The following OVCH2 variants were observed in gnomAD, a reference collection of about 807,000 sequenced individuals.
The protein encoded by OVCH2 is ovochymase 2.
Under a neutral mutation model 73.7 loss-of-function variants are expected in OVCH2, and 88 were observed. The ratio of observed to expected loss-of-function variants is 1.19; its 90% CI spans 1.01 to 1.43. The LOEUF is 1.43. Ranked by LOEUF, OVCH2 falls within the 40% of genes most tolerant of loss-of-function variation. The pLI is 0.00. For synonymous variants in OVCH2, 265 were observed against 234.5 expected (o/e 1.13, Z -1.19); for missense variants, 706 against 674.5 (o/e 1.05, Z -0.52).
At chr11:7,685,204 C>T (rs987542449), downstream of OVCH2, among the ~76,000 whole-genome samples, 2 of 152,040 alleles carry the variant, frequency 1.3e-5, no homozygotes, top group African/African-American at 2.4e-5. Flanking sequence ...GGGCTGGAGG[C>T]TGAGCAGGGA....
chr11:7,690,497 A>G (rs1035737475), intron 14 of OVCH2, among the ~76,000 whole-genome samples: 1 of 76,574 alleles, frequency 1.3e-5, no homozygotes, highest in African/African-American at 4.5e-5. Context: ...AAGATTACAC[A>G]TCTAGTAATG....
rs1246951142 is a variant in OVCH2 at position 7,690,019 on chromosome 11, T to TATA, written c.1640-9_1640-7dup. ...GATGTTTAAATCTGGGTATACTGGG[T>TATA]ATAAGTATGATACAATTACTCAGTT... On this transcript the variant is annotated splice_region_variant and splice_polypyrimidine_tract_variant and intron_variant, in intron 14 of 15. Transcript: ENST00000533663. The TATA allele has an allele frequency of 2.0e-6, 3 of 1,494,852 alleles. No homozygotes were observed. The East Asian group carries it at 7.4e-5, about 37-fold the overall frequency. The allele number at this position is 1,494,852 out of a possible 1,614,324, so 92.6% of individuals were successfully genotyped here.
At chr11:7,698,930 A>C (rs1440728983) in intron 7 of OVCH2, 157 bp from the exon 8 acceptor site, 1 of 679,994 alleles carries the variant, frequency 1.5e-6, no homozygotes, top group East Asian at 2.9e-5. Context: ...AAATGGATAA[A>C]GTAGGAAAGG....
chr11:7,706,321 A>G lies in OVCH2; in HGVS notation c.74T>C (p.Leu25Pro). ...TTGAAACTTACCTTTGGGGAGCGAA[A>G]GAGTTGCAGATTTACCTCGTTCAAA... ...VFFERGKSAT[L>P]SLPKAPSCGQ... The change falls in exon 1 of 16, where the codon CTT becomes CCT. Residue 25 changes from leucine to proline, a missense_variant. Coordinates refer to ENST00000533663, the MANE Select transcript of OVCH2 (RefSeq NM_198185.7). 8 of 1,589,026 alleles carry G rather than the reference A, an allele frequency of 5.0e-6. No individual in the cohort carries two copies. Among genetic ancestry groups the G allele is most frequent in the Non-Finnish European group, 6.9e-6 (8 of 1,166,372 alleles).
At chr11:7,700,274 C>T (rs1470378296) in intron 7 of OVCH2, 22 bp downstream of exon 7, 5 of 1,610,524 alleles carry the variant, frequency 3.1e-6, no homozygotes, top group Non-Finnish European at 4.2e-6. Context: ...AGCTTCTTAA[C>T]CTTGTGTGAT....
intron 12 of OVCH2, among the ~76,000 whole-genome samples, chr11:7,694,121 G>A (rs61545550): frequency 0.035 from 5,367 of 151,992 alleles, 304 homozygotes; most frequent in African/African-American, 0.12. Flanking sequence ...TTTATTTTCT[G>A]CTCTCTTTTC....
chr11:7,679,389 G>A, the OVCH2 span, among the ~76,000 whole-genome samples: 3 of 152,164 alleles, frequency 2.0e-5, no homozygotes, highest in South Asian at 6.2e-4. Flanking sequence ...GTTTAGGTCT[G>A]TATCCCCACC....
downstream of OVCH2, among the ~76,000 whole-genome samples, chr11:7,685,773 C>T (rs1406943396): frequency 6.6e-6 from 1 of 152,066 alleles, no homozygotes; most frequent in African/African-American, 2.4e-5. Context: ...CACATCTCTA[C>T]CTTCTCTTGT....
At chr11:7,702,758 T>C (rs1440310993) in intron 3 of OVCH2, among the ~76,000 whole-genome samples, 1 of 152,178 alleles carries the variant, frequency 6.6e-6, no homozygotes, top group African/African-American at 2.4e-5. Flanking sequence ...ATGCTTAGTA[T>C]ATATTATAAG....
rs1856191573 is a variant in OVCH2, at chr11:7,690,007, G to A, written c.1646C>T (p.Pro549Leu). 2 of 1,507,384 alleles carry A rather than the reference G, an allele frequency of 1.3e-6. No homozygotes were observed. Among genetic ancestry groups the A allele is most frequent in the Non-Finnish European group, 1.8e-6 (2 of 1,121,062 alleles). 93.4% of individuals were successfully genotyped at this position (1,507,384 alleles called of 1,614,324 possible). ...TVSFIPKAVYPDLNISISEDE... is the reference protein window; with the variant it reads ...TVSFIPKAVYLDLNISISEDE... ...CTCTGATATGGAGATGTTTAAATCT[G>A]GGTATACTGGGTATAAGTATGATAC... Residue 549 changes from proline to leucine, a missense_variant, in exon 15 of 16, where the codon CCA (proline) becomes CTA (leucine). By Grantham distance (98) the Pro-to-Leu change is moderately conservative. Coordinates refer to ENST00000533663, the MANE Select transcript of OVCH2 (RefSeq NM_198185.7).
chr11:7,679,304 T>C, the OVCH2 span, among the ~76,000 whole-genome samples: 19 of 152,342 alleles, frequency 1.2e-4, no homozygotes, highest in African/African-American at 4.6e-4. Flanking sequence ...TGACTGATTG[T>C]TGGGGGCTCC....
At position 7,696,539 on chromosome 11, in the gene OVCH2, C is replaced by T. The variant is rs773305724; in HGVS notation, c.1067G>A (p.Ser356Asn). The stretch of plus-strand genomic sequence containing the variant: ...AGACTCAACATCTAGGTGGGAAAAA[C>T]TGAGCAACACATGCATTTCCTCTGG... Reference protein sequence around the residue: ...LVPEEMHVLLSFSHLDVESCH... With the variant: ...LVPEEMHVLLNFSHLDVESCH... The change falls in exon 10 of 16, where the codon AGT becomes AAT. Residue 356 changes from serine to asparagine, a missense_variant. Transcript: ENST00000533663. 5 of 1,614,008 alleles carry T rather than the reference C, an allele frequency of 3.1e-6. No homozygotes were observed. The Admixed American group carries it at 6.7e-5, about 22-fold the overall frequency.
At position 7,696,803 on chromosome 11, in the gene OVCH2, G is replaced by A; in HGVS notation, c.926-4C>T. The A allele has an allele frequency of 6.2e-7, 1 of 1,604,474 alleles. No homozygotes were observed. The highest frequency in any genetic ancestry group is 8.5e-7 in the Non-Finnish European group (1 of 1,175,626). ...ACATCCTGCTCACTGCACCAGGCTGGGAGGGAAAGCCAGGAGAGTCAGGGT... is the reference window on the plus strand; with the variant it reads ...ACATCCTGCTCACTGCACCAGGCTGAGAGGGAAAGCCAGGAGAGTCAGGGT... On this transcript the variant is annotated splice_region_variant and splice_polypyrimidine_tract_variant and intron_variant, in intron 8 of 15. Coordinates refer to ENST00000533663, the MANE Select transcript of OVCH2 (RefSeq NM_198185.7).
At chr11:7,686,114 G>A (rs77918725), downstream of OVCH2, among the ~76,000 whole-genome samples, 5,940 of 152,262 alleles carry the variant, frequency 0.039, 158 homozygotes, top group African/African-American at 0.08. Flanking sequence ...TACTTACACC[G>A]AATATACCCA....
At chr11:7,702,389 T>C (rs1856461469) in intron 3 of OVCH2, 60 bp from the exon 4 acceptor site, 1 of 1,293,478 alleles carries the variant, frequency 7.7e-7, no homozygotes, top group African/African-American at 1.5e-5. Flanking sequence ...ACAGTTGCAA[T>C]GGTTGACACA....
intron 7 of OVCH2, chr11:7,699,529 T>C (rs1856395780): frequency 6.6e-6 from 1 of 152,392 alleles, no homozygotes; most frequent in African/African-American, 2.4e-5. Flanking sequence ...TGTTACACTG[T>C]ATTTTTAAAA....
At chr11:7,704,383 A>G (rs952533529) in intron 2 of OVCH2, among the ~76,000 whole-genome samples, 182 bp downstream of exon 2, 1 of 152,200 alleles carries the variant, frequency 6.6e-6, no homozygotes, top group Non-Finnish European at 1.5e-5. Context: ...TGATTCTAAA[A>G]TGACTTACTA....
chr11:7,701,386 G>C lies in OVCH2; in HGVS notation c.649C>G (p.Pro217Ala), dbSNP rs780970087. Residue 217 changes from proline (P) to alanine (A), a missense_variant, in exon 6 of 16, where the codon CCC (proline) becomes GCC (alanine). By Grantham distance (27) the Pro-to-Ala change is conservative (BLOSUM62 -1). Transcript: ENST00000533663. Reference sequence around the variant, plus strand: ...CAAAGAAAGGTCTTCCCACTGATGGGCCTCTTTAGTGTTAACAGAGCTGCC... The same window carrying C: ...CAAAGAAAGGTCTTCCCACTGATGGCCCTCTTTAGTGTTAACAGAGCTGCC... ...CVAALLTLKRPISGKTFLCTG... is the reference protein window; with the variant it reads ...CVAALLTLKRAISGKTFLCTG... 1 of 1,613,158 alleles carries C rather than the reference G, an allele frequency of 6.2e-7. No individual in the cohort carries two copies. The highest frequency in any genetic ancestry group is 8.5e-7 in the Non-Finnish European group (1 of 1,179,630).
intron 1 of OVCH2, chr11:7,705,685 AGG>A (rs1565172272): frequency 6.6e-6 from 1 of 152,278 alleles, no homozygotes; most frequent in East Asian, 1.9e-4. Context: ...ACCCAGTGCC[AGG>A]ATGACATTGG....
Sources: gnomAD v4.1 joint callset for allele counts (sites outside exome capture counted in the v4.1 genomes callset) on GRCh38, gnomAD v4.1.1 for gene constraint, MANE v1.5 for transcripts, NCBI Gene and HGNC (gene_info 2026-07-23, HGNC 2026-07-21) for gene names.